ARFGEF1: variants seen among roughly 807,000 people sequenced by gnomAD.
The protein encoded by ARFGEF1 is ARF guanine nucleotide exchange factor 1.
ARFGEF1 carries 42 observed loss-of-function variants against 231.0 expected under a neutral mutation model. That is an observed-to-expected ratio of 0.18 (90% CI 0.14 to 0.24). The LOEUF (loss-of-function observed/expected upper bound fraction) is 0.24. Ranked by LOEUF, ARFGEF1 falls within the 10% of genes least tolerant of loss-of-function variation. The pLI, the probability that ARFGEF1 is intolerant of heterozygous loss-of-function variation, is 1.00. For synonymous variants in ARFGEF1, 710 were observed against 732.3 expected, an observed-to-expected ratio of 0.97 and a Z score of 0.49; for missense variants, 1,345 against 2,192.0, an observed-to-expected ratio of 0.61 and a Z score of 7.72.
At chr8:67,308,892 T>C (rs1206684358) in intron 1 of ARFGEF1, among the ~76,000 whole-genome samples, 2 of 152,226 alleles carry the variant, frequency 1.3e-5, no homozygotes, top group African/African-American at 4.8e-5. Flanking sequence ...CCAACTCACA[T>C]ACTTTTTTAA....
At chr8:67,262,412 GAA>G (rs1377380736) in intron 14 of ARFGEF1, among the ~76,000 whole-genome samples, 1 of 152,196 alleles carries the variant, frequency 6.6e-6, no homozygotes, top group East Asian at 1.9e-4. Flanking sequence ...GTGGTTTCTT[GAA>G]ATGCAATCTA....
In ARFGEF1 at chr8:67,188,575, A is replaced by G. The variant is rs186533378; in HGVS notation, c.560+11821T>C. The stretch of plus-strand genomic sequence containing the variant: ...TCCCCTCCCATTGTATGGGAACTCT[A>G]TTTTCATTCTATTAAATCTTGGAAC... On this transcript the variant is annotated intron_variant, in intron 5 of 5. Coordinates refer to the ARFGEF1 transcript ENST00000518789. 5.9e-4 allele frequency among the ~76,000 whole-genome samples: 90 copies of G among 152,238 alleles called. 1 individual carries two copies. The East Asian group carries it at 0.016, about 27-fold the overall frequency.
At chr8:67,305,139 A>G (rs1806679716) in intron 1 of ARFGEF1, among the ~76,000 whole-genome samples, 1 of 152,230 alleles carries the variant, frequency 6.6e-6, no homozygotes, top group African/African-American at 2.4e-5. Flanking sequence ...TTGATACCAA[A>G]TATCACTAAA....
intron 1 of ARFGEF1, among the ~76,000 whole-genome samples, chr8:67,334,136 C>CAAA (rs368714166): frequency 1.4e-4 from 6 of 43,628 alleles, no homozygotes; most frequent in South Asian, 8.0e-4. Context: ...AACTCCGTCT[C>CAAA]AAAAAAAAAA....
rs1245967300 is a variant in ARFGEF1 at position 67,200,399 on chromosome 8, A to G, written c.5382T>C (p.Asn1794=). ...FLTKVLKISD[N]RFKAHASFYY... is the part of the protein sequence containing the mutation. ...GGATTCGAAGCCTCATACTTACCCT[A>G]TTATCACTTATCTTTAGAACTTTAG... The change falls in exon 38 of 39, where the codon AAT becomes AAC. Residue 1794 remains asparagine (N), a synonymous_variant. Coordinates refer to ENST00000262215, the MANE Select transcript of ARFGEF1 (RefSeq NM_006421.5). The G allele has an allele frequency of 7.7e-6, 12 of 1,549,628 alleles. No individual in the cohort carries two copies. The highest frequency in any genetic ancestry group is 1.7e-5 in the Admixed American group (1 of 59,910).
chr8:67,262,248 A>T (rs1804655129), intron 14 of ARFGEF1, among the ~76,000 whole-genome samples: 1 of 152,358 alleles, frequency 6.6e-6, no homozygotes, highest in East Asian at 1.9e-4. Context: ...GACGATTTTC[A>T]GGAGTCCAAG....
intron 1 of ARFGEF1, among the ~76,000 whole-genome samples, chr8:67,342,639 T>G (rs1808694893): frequency 6.6e-6 from 1 of 152,096 alleles, no homozygotes; most frequent in African/African-American, 2.4e-5. Flanking sequence ...CAGAACGGGC[T>G]GCACCTCTTG....
intron 1 of ARFGEF1, among the ~76,000 whole-genome samples, chr8:67,310,984 T>TG (rs1185777710): frequency 1.3e-4 from 3 of 23,818 alleles, no homozygotes; most frequent in East Asian, 1.5e-3. Context: ...GGAGGGAGGT[T>TG]GGGGGGTCAG....
At chr8:67,278,729 C>A (rs1264260335) in intron 7 of ARFGEF1, among the ~76,000 whole-genome samples, 1 of 151,966 alleles carries the variant, frequency 6.6e-6, no homozygotes, top group Non-Finnish European at 1.5e-5. Context: ...GCCTATAATC[C>A]CAGCTACTCG....
chr8:67,283,040 A>T (rs564381338), intron 7 of ARFGEF1, among the ~76,000 whole-genome samples: 1 of 152,238 alleles, frequency 6.6e-6, no homozygotes, highest in Admixed American at 6.5e-5. Context: ...AATTCAAAAA[A>T]AGATAAGTAG....
At chr8:67,312,487 G>A (rs1807119723) in intron 1 of ARFGEF1, among the ~76,000 whole-genome samples, 1 of 151,814 alleles carries the variant, frequency 6.6e-6, no homozygotes, top group African/African-American at 2.4e-5. Flanking sequence ...AATCCTAAAG[G>A]AATAAAGGTA....
At chr8:67,342,678 G>A (rs1563926421) in intron 1 of ARFGEF1, among the ~76,000 whole-genome samples, 1 of 152,150 alleles carries the variant, frequency 6.6e-6, no homozygotes. Context: ...TGTCAACAAG[G>A]AAACAACTTC....
chr8:67,266,501 AC>A (rs924606708), intron 13 of ARFGEF1, among the ~76,000 whole-genome samples: 1 of 152,148 alleles, frequency 6.6e-6, no homozygotes, highest in Non-Finnish European at 1.5e-5. Flanking sequence ...TTTCGATAAT[AC>A]CAGTGTAGCC....
chr8:67,197,509 G>T, downstream of ARFGEF1: 1 of 572,108 alleles, frequency 1.7e-6, no homozygotes, highest in Non-Finnish European at 2.2e-6. Flanking sequence ...GGTAAGTACA[G>T]TGTAAGGAGG....
chr8:67,233,226 G>A (rs1839609812), intron 22 of ARFGEF1, among the ~76,000 whole-genome samples: 1 of 151,918 alleles, frequency 6.6e-6, no homozygotes, highest in African/African-American at 2.4e-5. Flanking sequence ...ATAGATATTA[G>A]ATATAATTTC....
intron 30 of ARFGEF1, 21 bp from the exon 31 acceptor site, chr8:67,218,159 T>C (rs1839000963): frequency 3.0e-6 from 4 of 1,340,400 alleles, no homozygotes; most frequent in Non-Finnish European, 2.9e-6. Context: ...AAGTCATTAA[T>C]GAACATCACG....
intron 5 of ARFGEF1, among the ~76,000 whole-genome samples, chr8:67,292,727 A>G (rs945988805): frequency 1.3e-5 from 2 of 152,120 alleles, no homozygotes; most frequent in African/African-American, 4.8e-5. Flanking sequence ...ATATAATACT[A>G]TCTGTAAAAC....
downstream of ARFGEF1, chr8:67,175,477 C>A: frequency 6.2e-7 from 1 of 1,610,460 alleles, no homozygotes; most frequent in Non-Finnish European, 8.5e-7. Context: ...TATCAGCACG[C>A]TGTTTTTCCG....
At chr8:67,331,818 T>A (rs1389755574) in intron 1 of ARFGEF1, among the ~76,000 whole-genome samples, 1 of 152,162 alleles carries the variant, frequency 6.6e-6, no homozygotes, top group Non-Finnish European at 1.5e-5. Context: ...CTCTGTCTTG[T>A]CCTCCTCAGT....
Sources: allele counts gnomAD v4.1 joint callset (sites outside exome capture counted in the v4.1 genomes callset), GRCh38; gene constraint gnomAD v4.1.1; transcripts MANE v1.5; gene names NCBI Gene and HGNC (gene_info 2026-07-23, HGNC 2026-07-21).